PRELID2: variants seen among roughly 807,000 people sequenced by gnomAD.
PRELID2 encodes PRELI domain-containing protein 2.
In PRELID2, 25 loss-of-function variants were observed where a neutral mutation model predicts 28.4. That is an observed-to-expected ratio of 0.88 (90% confidence interval 0.64 to 1.23). The LOEUF (loss-of-function observed/expected upper bound fraction) is 1.23, where lower values mean the gene tolerates loss of function less well. Ranked by LOEUF, PRELID2 falls within the 50% of genes most tolerant of loss-of-function variation. The pLI, the probability that PRELID2 is intolerant of heterozygous loss-of-function variation, is 0.00. For missense variants in PRELID2, 201 were observed against 214.4 expected (o/e 0.94, Z 0.39); for synonymous variants, 76 against 71.6 (o/e 1.06, Z -0.31).
downstream of PRELID2, among the ~76,000 whole-genome samples, chr5:145,755,195 G>C (rs936545818): frequency 6.6e-6 from 1 of 152,218 alleles, no homozygotes; most frequent in African/African-American, 2.4e-5. Context: ...GACTGGTCCA[G>C]AGCAAAGGTC....
chr5:145,295,008 G>A, the PRELID2 span, among the ~76,000 whole-genome samples: 1 of 152,118 alleles, frequency 6.6e-6, no homozygotes, highest in African/African-American at 2.4e-5. Flanking sequence ...TGAGGTACTA[G>A]GGAACATAGA....
chr5:145,357,422 G>A, the PRELID2 span, among the ~76,000 whole-genome samples: 1 of 152,276 alleles, frequency 6.6e-6, no homozygotes, highest in Admixed American at 6.5e-5. Context: ...TTTCTCAGAA[G>A]TTTTATTCAT....
intron 1 of PRELID2, among the ~76,000 whole-genome samples, chr5:145,488,968 A>G (rs1423003579): frequency 1.3e-5 from 2 of 152,312 alleles, no homozygotes; most frequent in Non-Finnish European, 1.5e-5. Flanking sequence ...TAAAAGAGGT[A>G]GCATGTGACC....
chr5:145,618,010 G>C (rs1174599885), intron 1 of PRELID2, among the ~76,000 whole-genome samples: 1 of 152,158 alleles, frequency 6.6e-6, no homozygotes, highest in Non-Finnish European at 1.5e-5. Context: ...TGGGATTACA[G>C]ATGTGAGCCA....
At chr5:145,566,633 A>G (rs941989354) in intron 1 of PRELID2, among the ~76,000 whole-genome samples, 1 of 152,198 alleles carries the variant, frequency 6.6e-6, no homozygotes, top group Non-Finnish European at 1.5e-5. Context: ...TGATGTCATG[A>G]GTTCGAGACC....
the PRELID2 span, among the ~76,000 whole-genome samples, chr5:145,461,929 T>C: frequency 1.3e-5 from 2 of 152,212 alleles, no homozygotes; most frequent in Admixed American, 6.5e-5. Flanking sequence ...ATGGACTATG[T>C]ATGCAGCATG....
rs535478038 is a variant in PRELID2, at chr5:145,568,690, C to T, written n.71-95375G>A. On this transcript the variant is annotated intron_variant and non_coding_transcript_variant, in intron 1 of 2. Coordinates refer to the PRELID2 transcript ENST00000510259. ...CACTTTTAGGTCTTCTTCTCCCTGG[C>T]CTGCCTCATAAATAATGATGAAATC... is the stretch of plus-strand genomic sequence containing the variant. Among the ~76,000 whole-genome samples, 14 of 152,322 alleles carry T rather than the reference C, an allele frequency of 9.2e-5. No homozygotes were observed. In the South Asian group the frequency reaches 2.3e-3, roughly 25 times the overall value.
chr5:145,485,063 C>T (rs1323885728), intron 1 of PRELID2, among the ~76,000 whole-genome samples: 1 of 152,116 alleles, frequency 6.6e-6, no homozygotes, highest in East Asian at 1.9e-4. Flanking sequence ...CCAAACATGC[C>T]TATAATAAAG....
intron 1 of PRELID2, among the ~76,000 whole-genome samples, chr5:145,552,208 A>G (rs960904903): frequency 2.0e-5 from 3 of 152,022 alleles, no homozygotes; most frequent in South Asian, 4.2e-4. Context: ...TTTTTGATCC[A>G]TTTTCATAGT....
At chr5:145,451,443 A>C in the PRELID2 span, among the ~76,000 whole-genome samples, 2 of 152,204 alleles carry the variant, frequency 1.3e-5, no homozygotes, top group Non-Finnish European at 2.9e-5. Context: ...ACCAGAACAC[A>C]TGCCTAGATA....
intron 1 of PRELID2, among the ~76,000 whole-genome samples, chr5:145,498,890 T>C (rs1432812937): frequency 6.6e-6 from 1 of 151,638 alleles, no homozygotes; most frequent in African/African-American, 2.4e-5. Flanking sequence ...AGAACTTGTC[T>C]CTTAAAAAAA....
At chr5:145,461,865 G>T in the PRELID2 span, among the ~76,000 whole-genome samples, 1 of 152,068 alleles carries the variant, frequency 6.6e-6, no homozygotes, top group Non-Finnish European at 1.5e-5. Flanking sequence ...CTCCTTTATG[G>T]TTAGATTGAG....
At chr5:145,249,585 T>C in the PRELID2 span, among the ~76,000 whole-genome samples, 3 of 152,112 alleles carry the variant, frequency 2.0e-5, no homozygotes, top group Admixed American at 2.0e-4. Context: ...TCTAGGAATA[T>C]TGCAACGGTT....
At chr5:145,400,175 A>ACATAGTT in the PRELID2 span, among the ~76,000 whole-genome samples, 42 of 152,304 alleles carry the variant, frequency 2.8e-4, no homozygotes, top group African/African-American at 9.1e-4. Flanking sequence ...AGATATCCGT[A>ACATAGTT]CATAGTTGTA....
intron 5 of PRELID2, among the ~76,000 whole-genome samples, chr5:145,779,127 C>G (rs959629058): frequency 6.6e-6 from 1 of 151,966 alleles, no homozygotes; most frequent in Non-Finnish European, 1.5e-5. Context: ...AAAGTCTAAC[C>G]CTTTTGGAAA....
intron 1 of PRELID2, among the ~76,000 whole-genome samples, chr5:145,711,266 G>C (rs1755687552): frequency 6.6e-6 from 1 of 152,136 alleles, no homozygotes; most frequent in African/African-American, 2.4e-5. Flanking sequence ...AAAAGAATAG[G>C]ACAGTGACCT....
chr5:145,509,366 C>A (rs1580962726), intron 1 of PRELID2, among the ~76,000 whole-genome samples: 1 of 152,302 alleles, frequency 6.6e-6, no homozygotes, highest in East Asian at 1.9e-4. Context: ...ATTTTCCAAA[C>A]CCATGCTCTC....
At chr5:145,362,933 A>G in the PRELID2 span, among the ~76,000 whole-genome samples, 1 of 151,984 alleles carries the variant, frequency 6.6e-6, no homozygotes, top group Middle Eastern at 3.2e-3. Flanking sequence ...TTGACACCAC[A>G]CCATGGGTCA....
intron 1 of PRELID2, among the ~76,000 whole-genome samples, chr5:145,555,460 T>C (rs1193196116): frequency 6.6e-6 from 1 of 152,192 alleles, no homozygotes; most frequent in Non-Finnish European, 1.5e-5. Flanking sequence ...TCAATACGTA[T>C]AACACTTTTC....
Sources: allele counts gnomAD v4.1 joint callset (sites outside exome capture counted in the v4.1 genomes callset), GRCh38; gene constraint gnomAD v4.1.1; transcripts MANE v1.5; gene names NCBI Gene and HGNC (gene_info 2026-07-23, HGNC 2026-07-21).